The following MECR variants were observed in gnomAD, a reference collection of about 807,000 sequenced individuals.
MECR encodes mitochondrial trans-2-enoyl-CoA reductase.
MECR carries 37 observed loss-of-function variants against 49.1 expected under a neutral mutation model. That is an observed-to-expected ratio of 0.75 (90% CI 0.58 to 0.99). MECR has a LOEUF of 0.99. Among genes scored for constraint, MECR ranks in the 50% least tolerant of loss-of-function variants. The pLI is 0.00. For missense variants in MECR, 470 were observed against 479.6 expected, an observed-to-expected ratio of 0.98 and a Z score of 0.19; for synonymous variants, 198 against 191.1, an observed-to-expected ratio of 1.04 and a Z score of -0.30.
chr1:29,181,233 G>A, the MECR span, among the ~76,000 whole-genome samples: 2 of 152,228 alleles, frequency 1.3e-5, no homozygotes, highest in African/African-American at 2.4e-5. Context: ...AGAGGTGAAA[G>A]GGAGCAGGAA....
chr1:29,175,975 G>A, the MECR span, among the ~76,000 whole-genome samples: 5 of 152,008 alleles, frequency 3.3e-5, no homozygotes, highest in Admixed American at 1.3e-4. Context: ...AAAGGTGGCC[G>A]GGCATGGTGG....
the MECR span, among the ~76,000 whole-genome samples, chr1:29,176,210 C>A: frequency 6.6e-6 from 1 of 152,026 alleles, no homozygotes; most frequent in Non-Finnish European, 1.5e-5. Context: ...TGAGATTGTA[C>A]CACTGCACTC....
the MECR span, among the ~76,000 whole-genome samples, chr1:29,179,611 G>A: frequency 6.6e-6 from 1 of 152,282 alleles, no homozygotes; most frequent in East Asian, 1.9e-4. Context: ...AGCTGGGATT[G>A]CAGGCACAAG....
chr1:29,176,109 G>A, the MECR span, among the ~76,000 whole-genome samples: 5 of 151,894 alleles, frequency 3.3e-5, no homozygotes, highest in East Asian at 1.9e-4. Flanking sequence ...AAAATTAGCC[G>A]GGCGTGGTGG....
At chr1:29,206,713 AC>A in intron 4 of MECR, 48 bp downstream of exon 4, 1 of 1,602,082 alleles carries the variant, frequency 6.2e-7, no homozygotes. Context: ...TGTGAGTGGC[AC>A]CCTAGTTGCG....
rs1673192769 is a variant in MECR at position 29,192,670 on chromosome 1, T to C, written c.*1352A>G. ...GAGACACCCTGAAGCCTCTGTTCTT[T>C]GCTTTGAGCAAATGAATCGTGAAGC... is the stretch of plus-strand genomic sequence containing the variant. On this transcript the variant is annotated 3_prime_UTR_variant, in exon 10 of 10. Coordinates refer to ENST00000263702, the MANE Select transcript of MECR (RefSeq NM_016011.5). 6.6e-6 allele frequency among the ~76,000 whole-genome samples: 1 copy of C among 152,192 alleles called. No individual in the cohort carries two copies. Among genetic ancestry groups the C allele is most frequent in the South Asian group, 2.1e-4 (1 of 4,830 alleles).
At chr1:29,195,444 C>T (rs1028299732) in intron 9 of MECR, among the ~76,000 whole-genome samples, 2 of 152,200 alleles carry the variant, frequency 1.3e-5, no homozygotes, top group Admixed American at 6.5e-5. Context: ...CTGTTTACAT[C>T]GTGCCTCATA....
chr1:29,178,940 A>G, the MECR span, among the ~76,000 whole-genome samples: 1 of 152,164 alleles, frequency 6.6e-6, no homozygotes, highest in Admixed American at 6.5e-5. Flanking sequence ...TGACTGTCAT[A>G]CCTGTCTTTG....
At chr1:29,179,246 G>A in the MECR span, among the ~76,000 whole-genome samples, 2 of 152,172 alleles carry the variant, frequency 1.3e-5, no homozygotes, top group East Asian at 3.8e-4. Flanking sequence ...CTTGATCCAT[G>A]CTAGATTGTT....
the MECR span, among the ~76,000 whole-genome samples, chr1:29,175,683 A>G: frequency 2.8e-5 from 3 of 108,986 alleles, no homozygotes; most frequent in African/African-American, 7.2e-5. Flanking sequence ...CGACAGAGCC[A>G]GACGCTGTCT....
At chr1:29,172,888 G>A in the MECR span, 1 of 152,044 alleles carries the variant, frequency 6.6e-6, no homozygotes, top group Non-Finnish European at 1.5e-5. Context: ...CAATATAAGA[G>A]GAATGGTTGG....
chr1:29,203,063 C>A lies in MECR; in HGVS notation c.653+68G>T. ...GGGCGCCCTCTGGTGGACAACTGGG[C>A]ACCGCAGGGATGGGAGGTGGGAAAG... On this transcript the variant is annotated intron_variant, in intron 5 of 9. Transcript: ENST00000263702. The A allele has an allele frequency of 4.5e-6, 6 of 1,321,168 alleles. No individual in the cohort carries two copies. In the South Asian group the frequency reaches 5.7e-5, roughly 12 times the overall value. 81.8% of individuals were successfully genotyped at this position (1,321,168 alleles called of 1,614,324 possible).
intron 9 of MECR, among the ~76,000 whole-genome samples, chr1:29,195,124 T>C (rs998151725): frequency 6.6e-6 from 1 of 151,804 alleles, no homozygotes; most frequent in African/African-American, 2.4e-5. Context: ...TCAAAAAAAA[T>C]AACCCCCCAA....
At chr1:29,216,522 G>A in intron 2 of MECR, 66 bp downstream of exon 2, 2 of 1,469,676 alleles carry the variant, frequency 1.4e-6, no homozygotes, top group East Asian at 2.3e-5. Flanking sequence ...ACCTGAGGAG[G>A]AATGAAAATG....
chr1:29,220,239 A>AC (rs1391688343), intron 1 of MECR, among the ~76,000 whole-genome samples: 1 of 151,308 alleles, frequency 6.6e-6, no homozygotes, highest in Non-Finnish European at 1.5e-5. Flanking sequence ...AAAAAAAAAA[A>AC]AAAATACAAA....
At chr1:29,178,187 A>G in the MECR span, among the ~76,000 whole-genome samples, 10 of 151,918 alleles carry the variant, frequency 6.6e-5, no homozygotes, top group Admixed American at 6.6e-4. Flanking sequence ...GGTGTGAGCC[A>G]CCGTGACCGG....
intron 7 of MECR, among the ~76,000 whole-genome samples, chr1:29,198,962 C>A (rs1025797514): frequency 2.0e-5 from 3 of 151,974 alleles, no homozygotes; most frequent in Admixed American, 6.5e-5. Flanking sequence ...AGAACTGCAC[C>A]CCCTGTCTAG....
At chr1:29,229,259 G>T (rs1682870823) in intron 1 of MECR, among the ~76,000 whole-genome samples, 1 of 151,090 alleles carries the variant, frequency 6.6e-6, no homozygotes, top group South Asian at 2.1e-4. Flanking sequence ...CTGGAGTGCA[G>T]TGGCGCAATC....
At chr1:29,190,520 G>A (rs943661143), downstream of MECR, among the ~76,000 whole-genome samples, 1 of 151,982 alleles carries the variant, frequency 6.6e-6, no homozygotes, top group African/African-American at 2.4e-5. Flanking sequence ...TGGGCAGGGC[G>A]CAGTGGCTTA....
Sources: gnomAD v4.1 joint callset for allele counts (sites outside exome capture counted in the v4.1 genomes callset) on GRCh38, gnomAD v4.1.1 for gene constraint, MANE v1.5 for transcripts, NCBI Gene and HGNC (gene_info 2026-07-23, HGNC 2026-07-21) for gene names.